The following DES variants were observed in gnomAD, a reference collection of about 807,000 sequenced individuals.
DES encodes desmin.
A neutral mutation model predicts 55.1 loss-of-function variants in DES; 34 were observed. That is an observed-to-expected ratio of 0.62 (90% CI 0.47 to 0.82). The LOEUF is 0.82. DES is among the 40% of genes least tolerant of loss of function. The pLI is 0.00. For synonymous variants in DES, 259 were observed against 270.8 expected (o/e 0.96, Z 0.43); for missense variants, 596 against 645.9 (o/e 0.92, Z 0.84).
rs2854890 is a variant in DES at position 219,419,930 on chromosome 2, C to T, written c.579-165C>T. ...AGATTGGGCCACTTCCTGTGCCCTC[C>T]CTGGGTGGGTGGGGCCTCTCCACTC... On this transcript the variant is annotated intron_variant, in intron 1 of 8. Coordinates refer to ENST00000373960, the MANE Select transcript of DES (RefSeq NM_001927.4). This position sits in a 1 kb window ranked among gnomAD's most constrained non-coding sequence, Gnocchi z 4.3. 1.5e-3 allele frequency: 1,101 copies of T among 728,620 alleles called. 2 individuals carry two copies. Among genetic ancestry groups the T allele is most frequent in the Non-Finnish European group, 2.0e-3 (818 of 405,766 alleles). 45.1% of individuals were successfully genotyped at this position (728,620 alleles called of 1,614,324 possible).
At position 219,420,656 on chromosome 2, in the gene DES, G is replaced by C; in HGVS notation, c.897G>C (p.Lys299Asn). The change falls in exon 4 of 9, where the codon AAG (lysine) becomes AAC (asparagine). Residue 299 changes from lysine to asparagine, a missense_variant and splice_region_variant. Transcript: ENST00000373960. The surrounding 1 kb of genome is among the most constrained non-coding windows in gnomAD (Gnocchi z 6.0). ...ISEAEEWYKS[K>N]VSDLTQAANK... is the part of the protein sequence containing the mutation. ...AAGCTGAGGAGTGGTACAAGTCGAA[G>C]GTGGGTGGCCTCGCCCGGGGACTGG... 6.2e-7 allele frequency: 1 copy of C among 1,614,074 alleles called. No homozygotes were observed. The highest frequency in any genetic ancestry group is 8.5e-7 in the Non-Finnish European group (1 of 1,180,024).
rs769277716 is a variant in DES, at chr2:219,419,075, G to C, written c.578+35G>C. 3 of 1,535,704 alleles carry C rather than the reference G, an allele frequency of 2.0e-6. No homozygotes were observed. The highest frequency in any genetic ancestry group is 2.4e-5 in the South Asian group (2 of 84,026). On this transcript the variant is annotated intron_variant, in intron 1 of 8. Transcript: ENST00000373960. This position sits in a 1 kb window ranked among gnomAD's most constrained non-coding sequence, Gnocchi z 4.3. ...CGGCACCCCAGACTCCTCTTTCTGC[G>C]GGCAGGGCACAGGAGGCTAGGCCTG...
At chr2:219,424,570 G>A (rs373959023) in intron 7 of DES, among the ~76,000 whole-genome samples, 9 of 152,196 alleles carry the variant, frequency 5.9e-5, no homozygotes, top group African/African-American at 2.2e-4. Context: ...GCTAGCTAAG[G>A]AAATTCGTAA....
In DES at chr2:219,420,890, G is replaced by A; in HGVS notation, c.960G>A (p.Glu320=). The A allele has an allele frequency of 5.0e-6, 8 of 1,613,982 alleles. No individual in the cohort carries two copies. The highest frequency in any genetic ancestry group is 6.8e-6 in the Non-Finnish European group (8 of 1,180,002). Residue 320 remains glutamate, a synonymous_variant, in exon 5 of 9, where the codon GAG becomes GAA. Transcript: ENST00000373960. This position sits in a 1 kb window ranked among gnomAD's most constrained non-coding sequence, Gnocchi z 6.0. ...NNDALRQAKQ[E]MMEYRHQIQS... ...ACGCCCTGCGCCAGGCCAAGCAGGA[G>A]ATGATGGAATACCGACACCAGATCC...
At chr2:219,425,814 A>G in intron 8 of DES, 69 bp downstream of exon 8, 1 of 1,594,424 alleles carries the variant, frequency 6.3e-7, no homozygotes, top group Non-Finnish European at 8.6e-7. Context: ...ACTGTCTTCC[A>G]CCCAGCTGTG....
At chr2:219,423,738 G>T (rs763184418) in intron 6 of DES, 39 bp from the exon 7 acceptor site, 4 of 1,608,040 alleles carry the variant, frequency 2.5e-6, no homozygotes, top group Admixed American at 3.3e-5. Context: ...CGATGGGAGG[G>T]TTCTTAACTC....
chr2:219,424,507 G>C (rs76900548), intron 7 of DES, among the ~76,000 whole-genome samples: 3,255 of 151,876 alleles, frequency 0.021, 41 homozygotes, highest in Non-Finnish European at 0.035. Context: ...TTTCCATCAG[G>C]AAAAAAAACA....
rs1297244198 is a variant in DES, at chr2:219,419,003, G to C, written c.541G>C (p.Asp181His). 19 of 1,548,146 alleles carry C rather than the reference G, an allele frequency of 1.2e-5. No homozygotes were observed. The highest frequency in any genetic ancestry group is 1.6e-5 in the Non-Finnish European group (18 of 1,147,794). Residue 181 changes from aspartate to histidine, a missense_variant, in exon 1 of 9, where the codon GAC becomes CAC. Transcript: ENST00000373960. The surrounding 1 kb of genome is among the most constrained non-coding windows in gnomAD (Gnocchi z 4.3). Reference sequence around the variant, plus strand: ...GCGCGCGCGCGTCGACGTCGAGCGCGACAACCTGCTCGACGACCTGCAGCG... The same window carrying C: ...GCGCGCGCGCGTCGACGTCGAGCGCCACAACCTGCTCGACGACCTGCAGCG... ...NQRARVDVER[D>H]NLLDDLQRLK...
At chr2:219,421,596 G>A (rs1176384262) in intron 6 of DES, 36 bp downstream of exon 6, 13 of 1,600,012 alleles carry the variant, frequency 8.1e-6, no homozygotes, top group East Asian at 2.2e-5. Flanking sequence ...TGGGAGGTGC[G>A]GGGTGCTGGG....
In DES at chr2:219,420,007, A is replaced by G; in HGVS notation, c.579-88A>G. ...GCCAGGCCCTCCCGCTCTGTCCTGG[A>G]CCCACCCCCTGGTCAGCCCCCGGCC... On this transcript the variant is annotated intron_variant, in intron 1 of 8. Transcript: ENST00000373960. The surrounding 1 kb of genome is among the most constrained non-coding windows in gnomAD (Gnocchi z 6.0). The G allele has an allele frequency of 7.1e-7, 1 of 1,409,994 alleles. No individual in the cohort carries two copies. The highest frequency in any genetic ancestry group is 1.0e-6 in the Non-Finnish European group (1 of 996,488). The allele number at this position is 1,409,994 out of a possible 1,614,324, so 87.3% of individuals were successfully genotyped here.
At chr2:219,424,816 A>G (rs1954506581) in intron 7 of DES, among the ~76,000 whole-genome samples, 1 of 152,266 alleles carries the variant, frequency 6.6e-6, no homozygotes, top group African/African-American at 2.4e-5. Context: ...GAGGCACAGA[A>G]TGGCAAGTGA....
Position 219,418,491 on chromosome 2 carries a change from G to A in DES, c.29G>A (p.Arg10His), listed in dbSNP as rs757839952. ...AGCCAGGCCTACTCGTCCAGCCAGC[G>A]CGTGTCCTCCTACCGCCGCACCTTC... The part of the protein sequence containing the change: MSQAYSSSQ[R>H]VSSYRRTFGG... Residue 10 changes from arginine (R) to histidine (H), a missense_variant, in exon 1 of 9, where the codon CGC (arginine) becomes CAC (histidine). By Grantham distance (29) the Arg-to-His change is conservative (BLOSUM62 0). Transcript: ENST00000373960. 8 of 1,600,790 alleles carry A rather than the reference G, an allele frequency of 5.0e-6. No individual in the cohort carries two copies. The East Asian group carries it at 1.8e-4, about 37-fold the overall frequency.
At chr2:219,425,321 G>C (rs529147348) in intron 7 of DES, 22 of 360,180 alleles carry the variant, frequency 6.1e-5, no homozygotes, top group South Asian at 5.8e-4. Flanking sequence ...CTCTCCTGGG[G>C]CCTGGGGGTG....
rs1954523064 is a variant in DES, at chr2:219,425,714, T to C, written c.1340T>C (p.Met447Thr). 1 of 1,601,170 alleles carries C rather than the reference T, an allele frequency of 6.2e-7. No homozygotes were observed. The highest frequency in any genetic ancestry group is 8.5e-7 in the Non-Finnish European group (1 of 1,174,046). ...GAGGTCCATACCAAGAAGACGGTGA[T>C]GATCAAGACCATCGAGACACGGGAT... ...GSEVHTKKTV[M>T]IKTIETRDGE... Residue 447 changes from methionine to threonine, a missense_variant, in exon 8 of 9, where the codon ATG becomes ACG. Coordinates refer to ENST00000373960, the MANE Select transcript of DES (RefSeq NM_001927.4).
At chr2:219,423,963 T>C in intron 7 of DES, 143 bp downstream of exon 7, 2 of 878,066 alleles carry the variant, frequency 2.3e-6, no homozygotes, top group Non-Finnish European at 3.7e-6. Flanking sequence ...AGGGGACCAC[T>C]GCGGGTAGGT....
chr2:219,426,065 TC>T lies in DES; in HGVS notation c.*78del. 1 of 1,543,408 alleles carries T rather than the reference TC, an allele frequency of 6.5e-7. No individual in the cohort carries two copies. Among genetic ancestry groups the T allele is most frequent in the African/African-American group, 1.4e-5 (1 of 73,484 alleles). ...GCTCCCTGAAGCCAGCCTTCTTCCA[TC>T]CCAGGACACCACACCCAGCCTCAGT... is the stretch of plus-strand genomic sequence containing the variant. On this transcript the variant is annotated 3_prime_UTR_variant, in exon 9 of 9. Coordinates refer to ENST00000373960, the MANE Select transcript of DES (RefSeq NM_001927.4). This position sits in a 1 kb window ranked among gnomAD's most constrained non-coding sequence, Gnocchi z 4.5.
chr2:219,421,565 G>A lies in DES; in HGVS notation c.1244+5G>A. ...GCTGGAGGGAGAGGAGAGCCGGTGA[G>A]GGGCCAGGCAGGAGCCCGAGTGGGA... On this transcript the variant is annotated splice_donor_5th_base_variant and intron_variant, in intron 6 of 8. Transcript: ENST00000373960. The A allele has an allele frequency of 6.2e-7, 1 of 1,613,190 alleles. No homozygotes were observed. Among genetic ancestry groups the A allele is most frequent in the Non-Finnish European group, 8.5e-7 (1 of 1,179,482 alleles).
intron 7 of DES, among the ~76,000 whole-genome samples, chr2:219,424,724 G>C (rs968681369): frequency 6.6e-6 from 1 of 152,146 alleles, no homozygotes; most frequent in Non-Finnish European, 1.5e-5. Flanking sequence ...CACCCACATT[G>C]CACAGTGCTT....
chr2:219,421,834 T>G (rs893375585), intron 6 of DES, among the ~76,000 whole-genome samples: 5 of 152,032 alleles, frequency 3.3e-5, no homozygotes, highest in Non-Finnish European at 7.4e-5. Context: ...GCCTGGCTAA[T>G]TTTTGTATTT....
Sources: allele counts gnomAD v4.1 joint callset (sites outside exome capture counted in the v4.1 genomes callset), GRCh38; gene constraint gnomAD v4.1.1; non-coding constraint Gnocchi (gnomAD v3.1); transcripts MANE v1.5; gene names NCBI Gene and HGNC (gene_info 2026-07-23, HGNC 2026-07-21).